The following PFKFB3 variants were observed in gnomAD, a reference collection of about 807,000 sequenced individuals.
The protein encoded by PFKFB3 is 6-phosphofructo-2-kinase/fructose-2,6-biphosphatase 3, also known as 6-phosphofructo-2-kinase/fructose-2,6-bisphosphatase 3.
PFKFB3 carries 33 observed loss-of-function variants against 68.0 expected under a neutral mutation model. The ratio of observed to expected loss-of-function variants is 0.49; its 90% confidence interval spans 0.37 to 0.65. PFKFB3 has a LOEUF of 0.65. Ranked by LOEUF, PFKFB3 falls within the 30% of genes least tolerant of loss-of-function variation. The pLI, the probability that PFKFB3 is intolerant of heterozygous loss-of-function variation, is 0.00. For synonymous variants in PFKFB3, 315 were observed against 288.2 expected (o/e 1.09, Z -0.94); for missense variants, 586 against 712.2 (o/e 0.82, Z 2.02).
chr10:6,222,647 TC>T, intron 10 of PFKFB3: 1 of 439,488 alleles, frequency 2.3e-6, no homozygotes, highest in Non-Finnish European at 4.0e-6. Context: ...TTTTCCAGGT[TC>T]CCCCGTGTGG....
At chr10:6,272,299 A>G in the PFKFB3 span, among the ~76,000 whole-genome samples, 1 of 152,120 alleles carries the variant, frequency 6.6e-6, no homozygotes, top group African/African-American at 2.4e-5. Context: ...CAGGCTGTCT[A>G]GTGAAGGTGA....
chr10:6,236,557 C>A (rs572089608), downstream of PFKFB3, among the ~76,000 whole-genome samples: 2 of 152,206 alleles, frequency 1.3e-5, no homozygotes, highest in South Asian at 4.1e-4. Flanking sequence ...ACCTCTGTTG[C>A]GAGATGACTC....
At chr10:6,324,972 T>C in the PFKFB3 span, among the ~76,000 whole-genome samples, 1 of 151,844 alleles carries the variant, frequency 6.6e-6, no homozygotes, top group African/African-American at 2.4e-5. Context: ...GCATATAATT[T>C]TTTTAAATTG....
chr10:6,210,423 C>G lies in PFKFB3; in HGVS notation c.77-3200C>G, dbSNP rs1161320245. 7.2e-5 allele frequency among the ~76,000 whole-genome samples: 7 copies of G among 97,164 alleles called. 2 individuals carry two copies. Among genetic ancestry groups the G allele is most frequent in the East Asian group, 5.2e-4 (2 of 3,810 alleles). The allele number at this position is 97,164 out of a possible 152,430, so 63.7% of individuals were successfully genotyped here. On this transcript the variant is annotated intron_variant, in intron 1 of 14. Coordinates refer to ENST00000379775, the MANE Select transcript of PFKFB3 (RefSeq NM_004566.4). ...TCACCCAGGCTGGAGTGCAGTGGCG[C>G]TATCTCGGCTCACTGCAAGCTCCGC...
chr10:6,172,825 A>C (rs80132123), intron 1 of PFKFB3, among the ~76,000 whole-genome samples: 1 of 98,892 alleles, frequency 1.0e-5, no homozygotes, highest in African/African-American at 2.9e-5. Context: ...TCATCTCAGA[A>C]AAAAAAAAAA....
At chr10:6,272,051 A>T in the PFKFB3 span, among the ~76,000 whole-genome samples, 1 of 152,178 alleles carries the variant, frequency 6.6e-6, no homozygotes, top group Non-Finnish European at 1.5e-5. Flanking sequence ...CCCTGCCCCG[A>T]TGGTGGCTGC....
chr10:6,225,883 G>A lies in PFKFB3; in HGVS notation c.1342-309G>A, dbSNP rs541669692. On this transcript the variant is annotated intron_variant, in intron 13 of 14. Transcript: ENST00000379775. Reference sequence around the variant, plus strand: ...GGCTGGAAGCAAAGCTCTTTTCTCCGACCTCACGCTCTGCTGTGATCATCA... The same window carrying A: ...GGCTGGAAGCAAAGCTCTTTTCTCCAACCTCACGCTCTGCTGTGATCATCA... Among the ~76,000 whole-genome samples, 29 of 152,252 alleles carry A rather than the reference G, an allele frequency of 1.9e-4. No individual in the cohort carries two copies. In the South Asian group the frequency reaches 2.9e-3, roughly 15 times the overall value.
chr10:6,312,325 A>G, the PFKFB3 span, among the ~76,000 whole-genome samples: 1 of 152,038 alleles, frequency 6.6e-6, no homozygotes, highest in African/African-American at 2.4e-5. Flanking sequence ...TTTTTTTCCA[A>G]TTTGTTTTTG....
At chr10:6,174,744 G>A (rs1842412531) in intron 1 of PFKFB3, among the ~76,000 whole-genome samples, 1 of 152,218 alleles carries the variant, frequency 6.6e-6, no homozygotes, top group South Asian at 2.1e-4. Context: ...GGCTCTGCTG[G>A]GGGAAGCTCT....
At chr10:6,148,621 A>G (rs1190621378) in intron 1 of PFKFB3, among the ~76,000 whole-genome samples, 1 of 152,196 alleles carries the variant, frequency 6.6e-6, no homozygotes, top group Non-Finnish European at 1.5e-5. Flanking sequence ...AGAAGTTAGT[A>G]TCTTGACGTG....
At chr10:6,317,989 ACAGAAG>A in the PFKFB3 span, among the ~76,000 whole-genome samples, 42 of 152,236 alleles carry the variant, frequency 2.8e-4, no homozygotes, top group African/African-American at 1.0e-3. Flanking sequence ...TCAGTGTTAC[ACAGAAG>A]CAGCATGTGG....
intron 1 of PFKFB3, among the ~76,000 whole-genome samples, chr10:6,207,329 C>G (rs184974756): frequency 2.0e-5 from 3 of 152,206 alleles, no homozygotes; most frequent in Non-Finnish European, 4.4e-5. Flanking sequence ...CGCAGGCACT[C>G]GGCAGGCTGA....
chr10:6,318,317 T>C, the PFKFB3 span, among the ~76,000 whole-genome samples: 1 of 151,988 alleles, frequency 6.6e-6, no homozygotes, highest in South Asian at 2.1e-4. Flanking sequence ...ACCATCGGAG[T>C]GGGGAGATTG....
chr10:6,324,213 C>T, the PFKFB3 span, among the ~76,000 whole-genome samples: 7 of 152,236 alleles, frequency 4.6e-5, no homozygotes, highest in African/African-American at 9.6e-5. Context: ...TAGATACAAA[C>T]GACAGACACC....
intron 14 of PFKFB3, among the ~76,000 whole-genome samples, chr10:6,243,015 G>T (rs955105943): frequency 6.6e-6 from 1 of 152,222 alleles, no homozygotes. Context: ...GTATCAGCAA[G>T]TATCTGCTGA....
chr10:6,250,489 T>G (rs1256366539), intron 14 of PFKFB3, among the ~76,000 whole-genome samples: 4 of 150,976 alleles, frequency 2.6e-5, no homozygotes, highest in Non-Finnish European at 5.9e-5. Flanking sequence ...GAGAATGGCA[T>G]GAACCTGGGA....
At position 6,210,463 on chromosome 10, in the gene PFKFB3, C is replaced by T. The variant is rs1400799597; in HGVS notation, c.77-3160C>T. 8.8e-5 allele frequency among the ~76,000 whole-genome samples: 10 copies of T among 113,704 alleles called. 3 individuals carry two copies. Among genetic ancestry groups the T allele is most frequent in the Non-Finnish European group, 1.7e-4 (8 of 46,918 alleles). The allele number at this position is 113,704 out of a possible 152,430, so 74.6% of individuals were successfully genotyped here. A position where few individuals can be genotyped will look rare whatever the true frequency, so the allele number is the denominator to read the frequency against. On this transcript the variant is annotated intron_variant, in intron 1 of 14. Transcript: ENST00000379775. ...GCAAGCTCCGCCTCCCGGGTTCACG[C>T]CATTCTCCTGCCTCAGCCTCCCGAG...
At chr10:6,146,454 T>G in intron 1 of PFKFB3, 1 of 1,535,566 alleles carries the variant, frequency 6.5e-7, no homozygotes, top group Non-Finnish European at 8.7e-7. Context: ...GCTGGACACG[T>G]TTAGTCCCAA....
chr10:6,270,228 C>T, the PFKFB3 span, among the ~76,000 whole-genome samples: 10 of 152,312 alleles, frequency 6.6e-5, no homozygotes, highest in South Asian at 1.2e-3. Flanking sequence ...ATTCTGTGCT[C>T]TACTTTCTGG....
Sources: gnomAD v4.1 joint callset for allele counts (sites outside exome capture counted in the v4.1 genomes callset) on GRCh38, gnomAD v4.1.1 for gene constraint, MANE v1.5 for transcripts, NCBI Gene and HGNC (gene_info 2026-07-23, HGNC 2026-07-21) for gene names.